GPSM2: variants seen among roughly 807,000 people sequenced by gnomAD.
GPSM2 encodes G protein-signaling modulator 2.
In GPSM2, 58 loss-of-function variants were observed where a neutral mutation model predicts 78.4. That is an observed-to-expected ratio of 0.74 (90% CI 0.60 to 0.92). The LOEUF (loss-of-function observed/expected upper bound fraction) is 0.92, where lower values mean the gene tolerates loss of function less well. Among genes scored for constraint, GPSM2 ranks in the 40% least tolerant of loss-of-function variants. GPSM2 has a pLI of 0.00. For missense variants in GPSM2, 700 were observed against 815.5 expected (o/e 0.86, Z 1.73); for synonymous variants, 224 against 280.2 (o/e 0.80, Z 2.00).
At chr1:108,926,411 T>C (rs1290172934) in intron 14 of GPSM2, 1 of 152,182 alleles carries the variant, frequency 6.6e-6, no homozygotes, top group Non-Finnish European at 1.5e-5. Flanking sequence ...GTGAGGCCAG[T>C]ATTGCCAATA....
chr1:108,896,378 TGA>T (rs1469413859), intron 2 of GPSM2, among the ~76,000 whole-genome samples: 1 of 151,972 alleles, frequency 6.6e-6, no homozygotes, highest in African/African-American at 2.4e-5. Flanking sequence ...TGTGTGTGTA[TGA>T]GAGAGAGAGC....
Position 108,931,552 on chromosome 1 carries a change from C to A in GPSM2, c.*1612C>A. The A allele has an allele frequency of 4.1e-6, 6 of 1,464,222 alleles. No individual in the cohort carries two copies. The highest frequency in any genetic ancestry group is 2.8e-5 in the South Asian group (2 of 72,632). The allele number at this position is 1,464,222 out of a possible 1,614,324, so 90.7% of individuals were successfully genotyped here. A position where few individuals can be genotyped will look rare whatever the true frequency, so the allele number is the denominator to read the frequency against. ...AAGTCATTCAGGTGATTTGGATGGGCAAATAGAACTATTTCTCTAATGGCC... is the reference window on the plus strand; with the variant it reads ...AAGTCATTCAGGTGATTTGGATGGGAAAATAGAACTATTTCTCTAATGGCC... On this transcript the variant is annotated 3_prime_UTR_variant, in exon 15 of 15. Coordinates refer to ENST00000264126, the MANE Select transcript of GPSM2 (RefSeq NM_013296.5).
chr1:108,915,035 G>T (rs1405671686), intron 11 of GPSM2, among the ~76,000 whole-genome samples: 2 of 152,100 alleles, frequency 1.3e-5, no homozygotes, highest in African/African-American at 4.8e-5. Flanking sequence ...AAACATCAAG[G>T]CTACTTTTTT....
chr1:108,897,099 G>C lies in GPSM2; in HGVS notation c.278+14G>C. On this transcript the variant is annotated intron_variant, in intron 3 of 14. Transcript: ENST00000264126. ...AACCCTTGCAAGGTAATTAATTTAA[G>C]CTTTTAAATATTCTTCCTTCTGAAA... 6.6e-7 allele frequency: 1 copy of C among 1,523,238 alleles called. No homozygotes were observed. 94.4% of individuals were successfully genotyped at this position (1,523,238 alleles called of 1,614,324 possible).
chr1:108,930,123 G>A lies in GPSM2; in HGVS notation c.*183G>A, dbSNP rs1651671601. 3.3e-6 allele frequency: 2 copies of A among 614,556 alleles called. No homozygotes were observed. The highest frequency in any genetic ancestry group is 5.6e-6 in the Non-Finnish European group (2 of 356,098). The allele number at this position is 614,556 out of a possible 1,614,324, so 38.1% of individuals were successfully genotyped here. ...CTTCTCTGGACATGCGCGTTTGAGGGTGGAGGGGTCCTGTAAGGTGCTTCA... is the reference window on the plus strand; with the variant it reads ...CTTCTCTGGACATGCGCGTTTGAGGATGGAGGGGTCCTGTAAGGTGCTTCA... On this transcript the variant is annotated 3_prime_UTR_variant, in exon 15 of 15. Coordinates refer to ENST00000264126, the MANE Select transcript of GPSM2 (RefSeq NM_013296.5).
At position 108,922,526 on chromosome 1, in the gene GPSM2, A is replaced by G; in HGVS notation, c.1550A>G (p.His517Arg). Residue 517 changes from histidine (H) to arginine (R), a missense_variant, in exon 13 of 15, where the codon CAT becomes CGT. His to Arg is a conservative substitution (Grantham distance 29). Coordinates refer to ENST00000264126, the MANE Select transcript of GPSM2 (RefSeq NM_013296.5). ...TGTTGCTTACAAGAAAAGAACTGCC[A>G]TACAGCTTCAACAACAACTTCTTCC... Reference protein sequence around the residue: ...QRCCLQEKNCHTASTTTSSTP... With the variant: ...QRCCLQEKNCRTASTTTSSTP... The G allele has an allele frequency of 6.3e-7, 1 of 1,597,034 alleles. No individual in the cohort carries two copies. Among genetic ancestry groups the G allele is most frequent in the Non-Finnish European group, 8.5e-7 (1 of 1,175,754 alleles).
chr1:108,908,903 C>G (rs1649485331), intron 10 of GPSM2, among the ~76,000 whole-genome samples: 1 of 150,628 alleles, frequency 6.6e-6, no homozygotes, highest in African/African-American at 2.4e-5. Context: ...ACTCGGGAAG[C>G]TGAGGTGGGA....
At chr1:108,916,856 A>G (rs1650272111) in intron 11 of GPSM2, among the ~76,000 whole-genome samples, 1 of 152,256 alleles carries the variant, frequency 6.6e-6, no homozygotes, top group Admixed American at 6.5e-5. Flanking sequence ...ACATAAGGAA[A>G]AAGGGAGACT....
rs1367102565 is a variant in GPSM2 at position 108,931,266 on chromosome 1, T to C, written c.*1326T>C. The stretch of plus-strand genomic sequence containing the variant: ...AAAAATTAAATATGAAAGAAAGATG[T>C]CAGCTAGAACCTTAGTTGTCATTAA... On this transcript the variant is annotated 3_prime_UTR_variant, in exon 15 of 15. Transcript: ENST00000264126. The C allele has an allele frequency of 6.9e-7, 1 of 1,457,144 alleles. No individual in the cohort carries two copies. The highest frequency in any genetic ancestry group is 1.4e-5 in the African/African-American group (1 of 69,572). 90.3% of individuals were successfully genotyped at this position (1,457,144 alleles called of 1,614,324 possible).
chr1:108,888,691 C>A (rs535882946), intron 2 of GPSM2, among the ~76,000 whole-genome samples: 1 of 152,100 alleles, frequency 6.6e-6, no homozygotes, highest in Non-Finnish European at 1.5e-5. Flanking sequence ...AGATGAACAT[C>A]AGAATATAGT....
rs765785782 is a variant in GPSM2 at position 108,922,486 on chromosome 1, A to T, written c.1510A>T (p.Met504Leu). Residue 504 changes from methionine (M) to leucine (L), a missense_variant, in exon 13 of 15, where the codon ATG (methionine) becomes TTG (leucine). Coordinates refer to ENST00000264126, the MANE Select transcript of GPSM2 (RefSeq NM_013296.5). ...DLLSRFQSNR[M>L]DDQRCCLQEK... ...ATTAAGCCGATTTCAAAGCAATAGG[A>T]TGGATGATCAGAGATGTTGCTTACA... 3 of 1,611,462 alleles carry T rather than the reference A, an allele frequency of 1.9e-6. No homozygotes were observed. In the African/African-American group the frequency reaches 4.0e-5, roughly 22 times the overall value.
At chr1:108,909,904 A>G (rs1466625600) in intron 10 of GPSM2, 1 of 112,322 alleles carries the variant, frequency 8.9e-6, no homozygotes, top group African/African-American at 3.1e-5. Context: ...GCCATCTCCA[A>G]AAAAAAAAAA....
rs755510879 is a variant in GPSM2, at chr1:108,922,398, C to T, written c.1441-19C>T. The T allele has an allele frequency of 3.8e-6, 6 of 1,569,372 alleles. No individual in the cohort carries two copies. The highest frequency in any genetic ancestry group is 1.1e-5 in the South Asian group (1 of 90,048). ...TACTGGAATATTCAAATAAACTAGA[C>T]TTCCTCTCAATATTTTAGAAAATCA... On this transcript the variant is annotated intron_variant, in intron 12 of 14. Coordinates refer to ENST00000264126, the MANE Select transcript of GPSM2 (RefSeq NM_013296.5).
chr1:108,905,690 T>C (rs1649167148), intron 10 of GPSM2, among the ~76,000 whole-genome samples: 1 of 152,172 alleles, frequency 6.6e-6, no homozygotes, highest in South Asian at 2.1e-4. Flanking sequence ...TCCATCTCTC[T>C]CTCCTTCCTT....
chr1:108,898,601 TC>T, intron 5 of GPSM2, 40 bp from the exon 6 acceptor site: 2 of 1,603,782 alleles, frequency 1.2e-6, no homozygotes, highest in Non-Finnish European at 1.7e-6. Context: ...ATAAAATTGT[TC>T]TGCAAACTTA....
rs1649046170 is a variant in GPSM2 at position 108,904,136 on chromosome 1, A to G, written c.1074A>G (p.Lys358=). 1 of 1,599,474 alleles carries G rather than the reference A, an allele frequency of 6.3e-7. No individual in the cohort carries two copies. Among genetic ancestry groups the G allele is most frequent in the South Asian group, 1.1e-5 (1 of 90,786 alleles). ...HLEISREVGD[K]SGELTARLNL... ...TGTTTGTGTTGTAGGTTGGGGATAAAAGTGGTGAACTAACAGCACGACTTA... is the reference window on the plus strand; with the variant it reads ...TGTTTGTGTTGTAGGTTGGGGATAAGAGTGGTGAACTAACAGCACGACTTA... Residue 358 remains lysine, a synonymous_variant, in exon 10 of 15, where the codon AAA becomes AAG. Coordinates refer to ENST00000264126, the MANE Select transcript of GPSM2 (RefSeq NM_013296.5).
intron 12 of GPSM2, among the ~76,000 whole-genome samples, chr1:108,919,582 TAA>T (rs1396646922): frequency 6.6e-6 from 1 of 151,590 alleles, no homozygotes; most frequent in East Asian, 1.9e-4. Flanking sequence ...TACCAAAAAA[TAA>T]AAAGTTAGCC....
chr1:108,896,751 G>A, intron 2 of GPSM2, 113 bp from the exon 3 acceptor site: 1 of 824,824 alleles, frequency 1.2e-6, no homozygotes, highest in East Asian at 2.4e-5. Context: ...TTCAGTTATA[G>A]AGGCAGCTGC....
Position 108,924,134 on chromosome 1 carries a change from C to A in GPSM2, c.1735C>A (p.Gln579Lys), listed in dbSNP as rs1650949743. Reference sequence around the variant, plus strand: ...AGGGCTTCGTCTAACACAAAACAGCCAGTCGGTACTTAGCCACCTGATGAC... The same window carrying A: ...AGGGCTTCGTCTAACACAAAACAGCAAGTCGGTACTTAGCCACCTGATGAC... ...LPGLRLTQNS[Q>K]SVLSHLMTND... The change falls in exon 14 of 15, where the codon CAG becomes AAG. Residue 579 changes from glutamine to lysine, a missense_variant. Coordinates refer to ENST00000264126, the MANE Select transcript of GPSM2 (RefSeq NM_013296.5). The A allele has an allele frequency of 6.2e-7, 1 of 1,613,696 alleles. No individual in the cohort carries two copies. Among genetic ancestry groups the A allele is most frequent in the African/African-American group, 1.3e-5 (1 of 74,864 alleles).
Sources: allele counts gnomAD v4.1 joint callset (sites outside exome capture counted in the v4.1 genomes callset), GRCh38; gene constraint gnomAD v4.1.1; transcripts MANE v1.5; gene names NCBI Gene and HGNC (gene_info 2026-07-23, HGNC 2026-07-21).